DNAJB6: variants seen among roughly 807,000 people sequenced by gnomAD.
DNAJB6 encodes DnaJ heat shock protein family (Hsp40) member B6.
Under a neutral mutation model 42.7 loss-of-function variants are expected in DNAJB6, and 16 were observed. The ratio of observed to expected loss-of-function variants is 0.37; its 90% CI spans 0.25 to 0.57. DNAJB6 has a LOEUF of 0.57. DNAJB6 is among the 20% of genes least tolerant of loss of function. The pLI is 0.74. For synonymous variants in DNAJB6, 170 were observed against 163.5 expected (o/e 1.04, Z -0.30); for missense variants, 347 against 416.8 (o/e 0.83, Z 1.46).
chr7:157,367,585 G>T (rs975472142), intron 5 of DNAJB6, 102 bp downstream of exon 5: 1 of 794,636 alleles, frequency 1.3e-6, no homozygotes, highest in Non-Finnish European at 2.2e-6. Flanking sequence ...TTTAGGCTGG[G>T]CGCGGTGGCT....
intron 8 of DNAJB6, among the ~76,000 whole-genome samples, chr7:157,395,162 G>A (rs1479141451): frequency 1.3e-5 from 2 of 152,008 alleles, no homozygotes; most frequent in Non-Finnish European, 2.9e-5. Context: ...TCCCCATCCG[G>A]TATTACCAGG....
chr7:157,414,167 T>G (rs1184818822), intron 9 of DNAJB6: 1 of 152,322 alleles, frequency 6.6e-6, no homozygotes, highest in Non-Finnish European at 1.5e-5. Context: ...AAAGGCCCAG[T>G]GGCAGCAGTT....
chr7:157,368,284 C>T (rs1404003475), intron 5 of DNAJB6, among the ~76,000 whole-genome samples: 2 of 152,126 alleles, frequency 1.3e-5, no homozygotes, highest in Non-Finnish European at 2.9e-5. Flanking sequence ...GTGGTAAGGG[C>T]ATGGGTGCGA....
chr7:157,371,153 T>C (rs1417944732), intron 5 of DNAJB6, among the ~76,000 whole-genome samples: 1 of 151,994 alleles, frequency 6.6e-6, no homozygotes, highest in Non-Finnish European at 1.5e-5. Flanking sequence ...TCTGAAACCA[T>C]CCCCCTACCC....
At chr7:157,337,557 C>T (rs1299769892) in intron 1 of DNAJB6, 2 of 152,216 alleles carry the variant, frequency 1.3e-5, no homozygotes, top group Non-Finnish European at 2.9e-5. Flanking sequence ...GCGTCTGAAA[C>T]CAGAAACGGG....
chr7:157,367,286 G>A, intron 4 of DNAJB6, 87 bp from the exon 5 acceptor site: 1 of 908,358 alleles, frequency 1.1e-6, no homozygotes, highest in Non-Finnish European at 1.8e-6. Context: ...ATTAGTTCAT[G>A]ATTTGTATAA....
intron 9 of DNAJB6, chr7:157,410,373 G>A (rs1795930975): frequency 2.5e-6 from 1 of 407,454 alleles, no homozygotes; most frequent in Admixed American, 4.4e-5. Flanking sequence ...TCGTGCTGGT[G>A]GGGTCTGCGT....
In DNAJB6 at chr7:157,378,331, T is replaced by C. The variant is rs946811497; in HGVS notation, c.347-3915T>C. The stretch of plus-strand genomic sequence containing the variant: ...TAAGGTATAAAAGTATGATCAGTTG[T>C]TTATAAATCCAAAAGTAATAATACA... On this transcript the variant is annotated intron_variant, in intron 5 of 9. Transcript: ENST00000262177. The C allele has an allele frequency of 3.3e-5, 5 of 152,224 alleles. No homozygotes were observed. In the South Asian group the frequency reaches 1.0e-3, roughly 31 times the overall value. 9.4% of individuals were successfully genotyped at this position (152,224 alleles called of 1,614,324 possible).
intron 8 of DNAJB6, 42 bp from the exon 9 acceptor site, chr7:157,409,753 C>G (rs890392016): frequency 4.7e-6 from 7 of 1,485,270 alleles, no homozygotes; most frequent in Non-Finnish European, 6.3e-6. Flanking sequence ...GGCCGGCCGC[C>G]GCCGCTCACT....
In DNAJB6 at chr7:157,343,501, C is replaced by T. The variant is rs1798525097; in HGVS notation, c.-27+6357C>T. 2.6e-5 allele frequency among the ~76,000 whole-genome samples: 4 copies of T among 151,834 alleles called. No homozygotes were observed. The South Asian group carries it at 8.3e-4, about 32-fold the overall frequency. On this transcript the variant is annotated intron_variant, in intron 1 of 9. Transcript: ENST00000262177. ...TATTTTTTTTTGAGATGGAGTCTTG[C>T]TCTGTTGCCCCGGCTGGAGTGCTGT... is the stretch of plus-strand genomic sequence containing the variant.
Position 157,366,573 on chromosome 7 carries a change from A to G in DNAJB6, c.235+12A>G, listed in dbSNP as rs201150693. ...TGGTGGAGGAGGAGGTAAGTACGTG[A>G]GTTTTTTCTTTGAAGACAAAAGGTC... is the stretch of plus-strand genomic sequence containing the variant. On this transcript the variant is annotated intron_variant, in intron 4 of 9. Coordinates refer to ENST00000262177, the MANE Select transcript of DNAJB6 (RefSeq NM_058246.4). The G allele has an allele frequency of 6.8e-6, 11 of 1,612,990 alleles. No homozygotes were observed. Among genetic ancestry groups the G allele is most frequent in the Non-Finnish European group, 9.3e-6 (11 of 1,179,484 alleles).
intron 8 of DNAJB6, 115 bp from the exon 9 acceptor site, chr7:157,409,680 A>T: frequency 8.5e-7 from 1 of 1,171,484 alleles, no homozygotes; most frequent in East Asian, 2.8e-5. Context: ...TCCTGCCCGG[A>T]GATGGCGCGT....
At chr7:157,406,091 GTCC>G (rs1024277707) in intron 8 of DNAJB6, among the ~76,000 whole-genome samples, 12 of 152,376 alleles carry the variant, frequency 7.9e-5, no homozygotes, top group East Asian at 5.8e-4. Context: ...GAATCGGGCA[GTCC>G]TCCTGTTCAG....
At chr7:157,393,590 C>G (rs1372680118) in intron 8 of DNAJB6, among the ~76,000 whole-genome samples, 1 of 152,228 alleles carries the variant, frequency 6.6e-6, no homozygotes, top group African/African-American at 2.4e-5. Context: ...TGGGAGCCGT[C>G]CATGCCCTGC....
chr7:157,347,407 A>G (rs949284218), intron 1 of DNAJB6, among the ~76,000 whole-genome samples: 1 of 152,070 alleles, frequency 6.6e-6, no homozygotes, highest in African/African-American at 2.4e-5. Context: ...TGTCTTTGGT[A>G]TGTTGCCCAG....
At chr7:157,360,075 C>T (rs566021997) in intron 2 of DNAJB6, among the ~76,000 whole-genome samples, 2 of 152,292 alleles carry the variant, frequency 1.3e-5, no homozygotes, top group African/African-American at 2.4e-5. Flanking sequence ...TTACTCCTCT[C>T]GAATAAGTTA....
At chr7:157,347,789 A>G (rs1563110488) in intron 1 of DNAJB6, among the ~76,000 whole-genome samples, 1 of 152,116 alleles carries the variant, frequency 6.6e-6, no homozygotes, top group Admixed American at 6.6e-5. Flanking sequence ...GGTTATAAGA[A>G]GTTTGTTTAT....
chr7:157,363,388 A>G (rs1424018779), intron 3 of DNAJB6, 118 bp downstream of exon 3: 8 of 625,380 alleles, frequency 1.3e-5, no homozygotes, highest in East Asian at 2.9e-5. Flanking sequence ...TTTGATGCCT[A>G]CTGGATTTTG....
At chr7:157,407,454 G>A (rs1795813302) in intron 8 of DNAJB6, among the ~76,000 whole-genome samples, 1 of 152,246 alleles carries the variant, frequency 6.6e-6, no homozygotes, top group Admixed American at 6.5e-5. Flanking sequence ...AGTTGGCAAA[G>A]TATAATTCTT....
Sources: allele counts gnomAD v4.1 joint callset (sites outside exome capture counted in the v4.1 genomes callset), GRCh38; gene constraint gnomAD v4.1.1; transcripts MANE v1.5; gene names NCBI Gene and HGNC (gene_info 2026-07-23, HGNC 2026-07-21).